The following EMSY variants were observed in gnomAD, a reference collection of about 807,000 sequenced individuals.
EMSY encodes BRCA2-interacting transcriptional repressor EMSY.
Under a neutral mutation model 134.6 loss-of-function variants are expected in EMSY, and 26 were observed. That is an observed-to-expected ratio of 0.19 (90% CI 0.14 to 0.27). The LOEUF is 0.27. Among genes scored for constraint, EMSY ranks in the 10% least tolerant of loss-of-function variants. EMSY has a pLI of 1.00. For synonymous variants in EMSY, 579 were observed against 577.8 expected, an observed-to-expected ratio of 1.00 and a Z score of -0.03; for missense variants, 1,305 against 1,611.4, an observed-to-expected ratio of 0.81 and a Z score of 3.26.
intron 18 of EMSY, 30 bp downstream of exon 19, chr11:76,542,397 C>T (rs750095192): frequency 1.2e-6 from 2 of 1,600,284 alleles, no homozygotes; most frequent in Admixed American, 1.7e-5. Context: ...TTCCTATCTT[C>T]TGCAACTGCC....
intron 8 of EMSY, among the ~76,000 whole-genome samples, chr11:76,481,331 C>A (rs900183688): frequency 3.3e-5 from 5 of 152,178 alleles, no homozygotes; most frequent in African/African-American, 1.2e-4. Context: ...GCATGAGCCA[C>A]CACGCCCGGC....
chr11:76,468,394 T>TA (rs779888929), intron 7 of EMSY, among the ~76,000 whole-genome samples: 5 of 152,236 alleles, frequency 3.3e-5, no homozygotes, highest in Non-Finnish European at 5.9e-5. Flanking sequence ...ATTGAGCACC[T>TA]ACTATGTTCC....
intron 2 of EMSY, among the ~76,000 whole-genome samples, chr11:76,450,483 A>G (rs1947614783): frequency 1.3e-5 from 2 of 151,242 alleles, no homozygotes; most frequent in African/African-American, 4.9e-5. Context: ...GTTGGAACAG[A>G]CATTCCTTTT....
Position 76,447,020 on chromosome 11 carries a change from ATT to A in EMSY, c.70+13_70+14del, listed in dbSNP as rs753482765. On this transcript the variant is annotated intron_variant, in intron 2 of 20. Transcript: ENST00000334736. ...TCTTCGAAAATTGGGTATGACGTTCATTGTTTGTTTTTTACCTCTCTCTGATA... is the reference window on the plus strand; with the variant it reads ...TCTTCGAAAATTGGGTATGACGTTCAGTTTGTTTTTTACCTCTCTCTGATA... 2 of 1,612,902 alleles carry A rather than the reference ATT, an allele frequency of 1.2e-6. No individual in the cohort carries two copies. Among genetic ancestry groups the A allele is most frequent in the Admixed American group, 3.3e-5 (2 of 59,914 alleles).
intron 11 of EMSY, among the ~76,000 whole-genome samples, 150 bp from the exon 13 acceptor site, chr11:76,523,001 ACTAT>A (rs1448220977): frequency 6.6e-6 from 1 of 152,190 alleles, no homozygotes; most frequent in Non-Finnish European, 1.5e-5. Context: ...CTTATAACTT[ACTAT>A]TCCAAGCCTT....
At chr11:76,450,704 C>T (rs1263120080) in intron 2 of EMSY, among the ~76,000 whole-genome samples, 1 of 151,534 alleles carries the variant, frequency 6.6e-6, no homozygotes, top group Non-Finnish European at 1.5e-5. Context: ...GTTGCCCAGG[C>T]TGGTGTTGAA....
intron 1 of EMSY, 57 bp from the exon 2 acceptor site, chr11:76,446,843 C>A: frequency 9.0e-7 from 1 of 1,106,632 alleles, no homozygotes; most frequent in Non-Finnish European, 1.3e-6. Context: ...AGGTGAGTGG[C>A]CCCTTGAATG....
In EMSY at chr11:76,493,297, C is replaced by T. The variant is rs186687824; in HGVS notation, c.1109-2918C>T. Among the ~76,000 whole-genome samples, 26 of 152,226 alleles carry T rather than the reference C, an allele frequency of 1.7e-4. No homozygotes were observed. The South Asian group carries it at 4.8e-3, about 28-fold the overall frequency. ...GCACGGGAAGGAGGCCAAAGGGGGTCGAGGGTGGGTTGATAAGGGCCTGCA... is the reference window on the plus strand; with the variant it reads ...GCACGGGAAGGAGGCCAAAGGGGGTTGAGGGTGGGTTGATAAGGGCCTGCA... On this transcript the variant is annotated intron_variant, in intron 8 of 20. Transcript: ENST00000334736.
At chr11:76,533,694 T>C (rs1951124583) in intron 14 of EMSY, among the ~76,000 whole-genome samples, 1 of 152,182 alleles carries the variant, frequency 6.6e-6, no homozygotes, top group African/African-American at 2.4e-5. Context: ...TTAAAGTGTA[T>C]ATCTCTAGTA....
At chr11:76,537,910 T>G (rs1178259875) in exon 16 of EMSY, 1 of 1,613,848 alleles carries the variant, frequency 6.2e-7, no homozygotes, top group East Asian at 2.2e-5. Flanking sequence ...CATCAATTGC[T>G]GTGGTAGAGT....
chr11:76,459,953 A>G (rs1437890232), exon 6 of EMSY: 18 of 1,614,182 alleles, frequency 1.1e-5, no homozygotes, highest in Admixed American at 1.7e-5. Flanking sequence ...CTATTCCTAC[A>G]CAAGTACCAC....
chr11:76,480,961 C>G (rs1411620644), intron 8 of EMSY, among the ~76,000 whole-genome samples: 3 of 152,322 alleles, frequency 2.0e-5, no homozygotes, highest in African/African-American at 7.2e-5. Flanking sequence ...GCCACCAGGG[C>G]CCTAGGTTTG....
chr11:76,535,778 C>A (rs1591003260), intron 14 of EMSY, 117 bp from the exon 16 acceptor site: 2 of 791,452 alleles, frequency 2.5e-6, no homozygotes, highest in Non-Finnish European at 3.5e-6. Context: ...GGAGATAAAG[C>A]ATGAAGTTTA....
chr11:76,536,222 C>T (rs991036979), intron 15 of EMSY, among the ~76,000 whole-genome samples, 163 bp downstream of exon 16: 2 of 151,966 alleles, frequency 1.3e-5, no homozygotes, highest in Non-Finnish European at 2.9e-5. Context: ...ATCATTGGTA[C>T]AGTCTGGTTT....
chr11:76,490,320 A>G (rs1310582683), intron 8 of EMSY, among the ~76,000 whole-genome samples: 1 of 151,938 alleles, frequency 6.6e-6, no homozygotes, highest in Non-Finnish European at 1.5e-5. Context: ...CTTGAAGTTG[A>G]CCTGTGCATT....
At chr11:76,518,704 T>TATATATATATATATATATATA in intron 11 of EMSY, among the ~76,000 whole-genome samples, 1 of 78,318 alleles carries the variant, frequency 1.3e-5, no homozygotes, top group Admixed American at 1.5e-4. Context: ...TATATATATA[T>TATATATATATATATATATATA]TTTTTTTTTA....
At chr11:76,489,913 G>A (rs768312305) in intron 8 of EMSY, among the ~76,000 whole-genome samples, 1 of 152,004 alleles carries the variant, frequency 6.6e-6, no homozygotes, top group Non-Finnish European at 1.5e-5. Context: ...CCTACTTGAT[G>A]TATCTTTTTT....
intron 20 of EMSY, among the ~76,000 whole-genome samples, chr11:76,548,618 C>T (rs1951738075): frequency 6.6e-6 from 1 of 152,166 alleles, no homozygotes; most frequent in Non-Finnish European, 1.5e-5. Context: ...CTCAGAGGCC[C>T]ACAGCAAGCC....
At chr11:76,544,813 G>A (rs376970939) in exon 19 of EMSY, 13 of 1,613,700 alleles carry the variant, frequency 8.1e-6, no homozygotes, top group Non-Finnish European at 1.1e-5. Context: ...AGAAACAGAC[G>A]GCAAGCCAGG....
Sources: gnomAD v4.1 joint callset for allele counts (sites outside exome capture counted in the v4.1 genomes callset) on GRCh38, gnomAD v4.1.1 for gene constraint, MANE v1.5 for transcripts, NCBI Gene and HGNC (gene_info 2026-07-23, HGNC 2026-07-21) for gene names.